PDZRN3: variants seen among roughly 807,000 people sequenced by gnomAD.
The protein encoded by PDZRN3 is E3 ubiquitin-protein ligase PDZRN3.
A neutral mutation model predicts 85.7 loss-of-function variants in PDZRN3; 38 were observed. That is an observed-to-expected ratio of 0.44 (90% CI 0.34 to 0.58). The LOEUF (loss-of-function observed/expected upper bound fraction) is 0.58. Among genes scored for constraint, PDZRN3 ranks in the 20% least tolerant of loss-of-function variants. The pLI is 0.01. For synonymous variants in PDZRN3, 759 were observed against 638.0 expected (o/e 1.19, Z -2.86); for missense variants, 1,629 against 1,506.4 (o/e 1.08, Z -1.35).
At chr3:73,460,270 A>C (rs1575668874) in intron 3 of PDZRN3, among the ~76,000 whole-genome samples, 1 of 152,206 alleles carries the variant, frequency 6.6e-6, no homozygotes, top group East Asian at 1.9e-4. Flanking sequence ...AATAGGTGAG[A>C]GTGCGATGAC....
intron 4 of PDZRN3, 93 bp from the exon 5 acceptor site, chr3:73,401,102 T>C: frequency 1.1e-6 from 1 of 908,212 alleles, no homozygotes. Context: ...ACAGTAGCAA[T>C]TCCCAGGGTG....
Position 73,384,552 on chromosome 3 carries a change from C to T in PDZRN3, c.2014G>A (p.Asp672Asn). The change falls in exon 10 of 10, where the codon GAC becomes AAC. Residue 672 changes from aspartate (D) to asparagine (N), a missense_variant. Physicochemically the swap from Asp to Asn is conservative, Grantham distance 23. Transcript: ENST00000263666. ...CTCTCAGGGTCACTCTTGCCGGCGT[C>T]CAGGGGGCCGCTAGGGTAGTACAGG... ...YGLYYPSGPLDAGKSDPESVD... is the reference protein window; with the variant it reads ...YGLYYPSGPLNAGKSDPESVD... The T allele has an allele frequency of 1.2e-6, 2 of 1,613,730 alleles. No individual in the cohort carries two copies. The highest frequency in any genetic ancestry group is 1.7e-6 in the Non-Finnish European group (2 of 1,180,036).
At chr3:73,504,053 T>C (rs945558086) in intron 3 of PDZRN3, among the ~76,000 whole-genome samples, 1 of 152,192 alleles carries the variant, frequency 6.6e-6, no homozygotes, top group Non-Finnish European at 1.5e-5. Context: ...CATTCACTTA[T>C]TCATATTTCT....
chr3:73,518,411 C>T (rs1231921264), intron 3 of PDZRN3, among the ~76,000 whole-genome samples: 1 of 151,998 alleles, frequency 6.6e-6, no homozygotes, highest in African/African-American at 2.4e-5. Flanking sequence ...TAAAAAAGTT[C>T]AGGAGATGGA....
intron 3 of PDZRN3, among the ~76,000 whole-genome samples, chr3:73,529,235 C>A (rs1054206369): frequency 6.6e-6 from 1 of 152,208 alleles, no homozygotes; most frequent in Non-Finnish European, 1.5e-5. Flanking sequence ...GCTTGGTGGT[C>A]TAGCTTCTTG....
At chr3:73,514,589 A>T (rs1048758845) in intron 3 of PDZRN3, among the ~76,000 whole-genome samples, 1 of 152,194 alleles carries the variant, frequency 6.6e-6, no homozygotes, top group Non-Finnish European at 1.5e-5. Flanking sequence ...ATTTCAACCA[A>T]TTGGTCTGAA....
intron 3 of PDZRN3, among the ~76,000 whole-genome samples, chr3:73,506,246 G>A (rs779651794): frequency 2.1e-4 from 32 of 152,238 alleles, no homozygotes; most frequent in Admixed American, 8.5e-4. Flanking sequence ...TGCAACGTCC[G>A]TTTCTGAAGT....
At chr3:73,433,244 T>C (rs560696198) in intron 3 of PDZRN3, among the ~76,000 whole-genome samples, 1 of 152,356 alleles carries the variant, frequency 6.6e-6, no homozygotes, top group Admixed American at 6.5e-5. Flanking sequence ...CTTATAACTA[T>C]TTGTAAACAC....
chr3:73,419,862 T>G (rs544638705), intron 3 of PDZRN3, among the ~76,000 whole-genome samples: 2 of 152,342 alleles, frequency 1.3e-5, no homozygotes, highest in South Asian at 4.1e-4. Flanking sequence ...AATGTGTAAT[T>G]TGAAAATATG....
chr3:73,476,023 G>A (rs1235063671), intron 3 of PDZRN3, among the ~76,000 whole-genome samples: 2 of 152,160 alleles, frequency 1.3e-5, no homozygotes, highest in Admixed American at 1.3e-4. Flanking sequence ...CACCTTCATG[G>A]TTTTGGAATG....
intron 3 of PDZRN3, among the ~76,000 whole-genome samples, chr3:73,600,676 T>A (rs538343503): frequency 6.6e-6 from 1 of 152,308 alleles, no homozygotes; most frequent in East Asian, 1.9e-4. Flanking sequence ...CCTGCCCAGC[T>A]GTAGATTTCT....
Position 73,451,032 on chromosome 3 carries a change from T to C in PDZRN3, c.919-46637A>G, listed in dbSNP as rs527704574. Among the ~76,000 whole-genome samples the C allele has an allele frequency of 5.3e-5, 8 of 152,276 alleles. No homozygotes were observed. In the East Asian group the frequency reaches 1.5e-3, roughly 29 times the overall value. ...CCTACCGTCACCGCCAATCCTGACC[T>C]GTAAACTGCAAGTCAGGAGGAATCC... On this transcript the variant is annotated intron_variant, in intron 3 of 9. Transcript: ENST00000263666.
At chr3:73,503,808 A>G (rs548370785) in intron 3 of PDZRN3, among the ~76,000 whole-genome samples, 5 of 152,330 alleles carry the variant, frequency 3.3e-5, no homozygotes, top group African/African-American at 9.6e-5. Context: ...AATTAAACCT[A>G]GAATTAAGGC....
intron 3 of PDZRN3, among the ~76,000 whole-genome samples, chr3:73,573,547 A>T (rs527485920): frequency 6.6e-6 from 1 of 152,274 alleles, no homozygotes; most frequent in African/African-American, 2.4e-5. Context: ...TTCACACTAC[A>T]ATGGCAGAGT....
intron 3 of PDZRN3, among the ~76,000 whole-genome samples, chr3:73,456,917 C>T (rs1201020145): frequency 1.3e-5 from 2 of 150,530 alleles, no homozygotes; most frequent in South Asian, 2.1e-4. Context: ...AGAGGATGGT[C>T]TCTCCAGAAG....
intron 3 of PDZRN3, among the ~76,000 whole-genome samples, chr3:73,497,798 G>GC (rs1029899672): frequency 5.7e-4 from 85 of 149,266 alleles, no homozygotes; most frequent in South Asian, 8.3e-4. Context: ...CCGGCACAGC[G>GC]CCCCCCGTCC....
chr3:73,624,182 C>T lies in PDZRN3; in HGVS notation c.644G>A (p.Arg215His). 1 of 1,502,448 alleles carries T rather than the reference C, an allele frequency of 6.7e-7. No homozygotes were observed. Among genetic ancestry groups the T allele is most frequent in the South Asian group, 1.2e-5 (1 of 80,386 alleles). The allele number at this position is 1,502,448 out of a possible 1,614,324, so 93.1% of individuals were successfully genotyped here. A position where few individuals can be genotyped will look rare whatever the true frequency, so the allele number is the denominator to read the frequency against. ...GTATTCGGTGAATTTCTTCTGGTAG[C>T]GCAGCGCGGTCATCTGCAGCTCAAG... ...AQLELQMTAL[R>H]YQKKFTEYSA... The change falls in exon 1 of 10, where the codon CGC (arginine) becomes CAC (histidine). Residue 215 changes from arginine to histidine, a missense_variant. Physicochemically the swap from Arg to His is conservative, Grantham distance 29 (BLOSUM62 0). Coordinates refer to ENST00000263666, the MANE Select transcript of PDZRN3 (RefSeq NM_015009.3).
At position 73,469,839 on chromosome 3, in the gene PDZRN3, A is replaced by G. The variant is rs936111631; in HGVS notation, c.919-65444T>C. Among the ~76,000 whole-genome samples, 23 of 152,304 alleles carry G rather than the reference A, an allele frequency of 1.5e-4. 2 individuals are homozygous for G. In the South Asian group the frequency reaches 4.1e-3, roughly 27 times the overall value. ...ATGCACTGATTGAAGGTGAGCATTTACTCATGAAAATATCTTGGTAGCTTA... is the reference window on the plus strand; with the variant it reads ...ATGCACTGATTGAAGGTGAGCATTTGCTCATGAAAATATCTTGGTAGCTTA... On this transcript the variant is annotated intron_variant, in intron 3 of 9. Transcript: ENST00000263666.
rs1275841189 is a variant in PDZRN3 at position 73,480,918 on chromosome 3, A to AT, written c.919-76524dup. ...AATAAGAGCACAAGCTGTTTCTATA[A>AT]TTTTTTCTGGTCACTGATGGCTTGT... On this transcript the variant is annotated intron_variant, in intron 3 of 9. Coordinates refer to ENST00000263666, the MANE Select transcript of PDZRN3 (RefSeq NM_015009.3). 2.6e-5 allele frequency among the ~76,000 whole-genome samples: 4 copies of AT among 152,140 alleles called. No individual in the cohort carries two copies. In the South Asian group the frequency reaches 6.2e-4, roughly 24 times the overall value.
Sources: allele counts gnomAD v4.1 joint callset (sites outside exome capture counted in the v4.1 genomes callset), GRCh38; gene constraint gnomAD v4.1.1; transcripts MANE v1.5; gene names NCBI Gene and HGNC (gene_info 2026-07-23, HGNC 2026-07-21).